The following CUX1 variants were observed in gnomAD, a reference collection of about 807,000 sequenced individuals.
CUX1 encodes protein CASP.
Under a neutral mutation model 158.8 loss-of-function variants are expected in CUX1, and 31 were observed. The observed-to-expected ratio is 0.20, with a 90% CI of 0.15 to 0.26. The LOEUF (loss-of-function observed/expected upper bound fraction) is 0.26. Ranked by LOEUF, CUX1 falls within the 10% of genes least tolerant of loss-of-function variation. The probability of loss-of-function intolerance (pLI) is 1.00; values close to 1 mark genes in which losing one functional copy is unlikely to be tolerated. For synonymous variants in CUX1, 879 were observed against 862.1 expected (o/e 1.02, Z -0.34); for missense variants, 1,589 against 2,014.6 (o/e 0.79, Z 4.04).
At chr7:102,051,573 T>C (rs975797492) in intron 3 of CUX1, among the ~76,000 whole-genome samples, 1 of 150,404 alleles carries the variant, frequency 6.6e-6, no homozygotes, top group African/African-American at 2.5e-5. Context: ...CAGAATCGTT[T>C]GAACCTGGGA....
chr7:101,923,674 C>T (rs965815518), intron 2 of CUX1, among the ~76,000 whole-genome samples: 14 of 152,326 alleles, frequency 9.2e-5, no homozygotes, highest in East Asian at 1.9e-4. Context: ...GCCTGGTCTG[C>T]GGTGCTCACA....
chr7:102,215,229 CTTTTTTTTTT>C (rs547506149), intron 20 of CUX1, among the ~76,000 whole-genome samples: 7 of 92,742 alleles, frequency 7.5e-5, no homozygotes, highest in Admixed American at 2.6e-4. Context: ...GTTACTCCAA[CTTTTTTTTTT>C]TTTTTTTTTT....
At chr7:102,139,221 G>A (rs1834194124) in intron 8 of CUX1, among the ~76,000 whole-genome samples, 1 of 146,806 alleles carries the variant, frequency 6.8e-6, no homozygotes, top group Non-Finnish European at 1.5e-5. Flanking sequence ...CTCCAGCCTG[G>A]GCAACAGAGA....
At chr7:101,913,430 G>A (rs962242856) in intron 1 of CUX1, 61 of 1,247,026 alleles carry the variant, frequency 4.9e-5, no homozygotes, top group Non-Finnish European at 5.7e-5. Flanking sequence ...CTGCAGCCCC[G>A]GGATCAAGGT....
At chr7:102,171,596 C>G (rs1344508685) in intron 10 of CUX1, among the ~76,000 whole-genome samples, 1 of 151,838 alleles carries the variant, frequency 6.6e-6, no homozygotes, top group African/African-American at 2.4e-5. Context: ...TGCAGGCGCA[C>G]ACCACCACAC....
rs147291507 is a variant in CUX1 at position 102,013,514 on chromosome 7, G to C, written c.142-14584G>C. Among the ~76,000 whole-genome samples, 388 of 152,290 alleles carry C rather than the reference G, an allele frequency of 2.5e-3. 2 individuals carry two copies. The highest frequency in any genetic ancestry group is 9.0e-3 in the African/African-American group (375 of 41,560). On this transcript the variant is annotated intron_variant, in intron 2 of 23. Coordinates refer to ENST00000292535, the MANE Select transcript of CUX1 (RefSeq NM_181552.4). ...ACTATTTGGGAACAGGCCTGAGAAA[G>C]CTTGCTTAGAGGAATTCCAAAAGTA... is the stretch of plus-strand genomic sequence containing the variant.
chr7:102,256,933 G>C lies in CUX1; in HGVS notation c.*7891G>C. ...TCTTTCAAAGCAACAGTGTTTTGTA[G>C]TACCAGGCTGTGGCTTGAGGGCTCA... On this transcript the variant is annotated 3_prime_UTR_variant, in exon 24 of 24. Coordinates refer to ENST00000292535, the MANE Select transcript of CUX1 (RefSeq NM_181552.4). 1 of 985,452 alleles carries C rather than the reference G, an allele frequency of 1.0e-6. No individual in the cohort carries two copies. Among genetic ancestry groups the C allele is most frequent in the Non-Finnish European group, 1.2e-6 (1 of 829,968 alleles). The allele number at this position is 985,452 out of a possible 1,614,324, so 61.0% of individuals were successfully genotyped here.
At chr7:102,136,973 G>A (rs1833974767) in intron 8 of CUX1, among the ~76,000 whole-genome samples, 1 of 152,124 alleles carries the variant, frequency 6.6e-6, no homozygotes, top group South Asian at 2.1e-4. Flanking sequence ...GGGCTTTGCT[G>A]AACGCTTGAT....
intron 3 of CUX1, among the ~76,000 whole-genome samples, chr7:102,039,147 C>T (rs568462363): frequency 2.0e-5 from 3 of 152,264 alleles, no homozygotes; most frequent in Admixed American, 1.3e-4. Flanking sequence ...TACCCAGGGC[C>T]TCTCCTTCAC....
intron 20 of CUX1, among the ~76,000 whole-genome samples, chr7:102,216,498 G>A (rs1057221666): frequency 1.6e-4 from 24 of 146,142 alleles, no homozygotes; most frequent in African/African-American, 5.4e-4. Flanking sequence ...GAAAAAGAGG[G>A]CGTGCGTGTG....
chr7:101,921,652 G>T (rs1371934586), intron 2 of CUX1, among the ~76,000 whole-genome samples: 1 of 151,976 alleles, frequency 6.6e-6, no homozygotes, highest in Non-Finnish European at 1.5e-5. Context: ...AGTAGAGACG[G>T]AGTTCCACCA....
intron 20 of CUX1, among the ~76,000 whole-genome samples, chr7:102,281,225 C>T (rs1792038819): frequency 6.6e-6 from 1 of 151,758 alleles, no homozygotes; most frequent in Admixed American, 6.6e-5. Context: ...ATAAAATTAG[C>T]CAGGCGCAGT....
chr7:102,061,343 T>A (rs1824851541), intron 3 of CUX1, among the ~76,000 whole-genome samples: 1 of 152,168 alleles, frequency 6.6e-6, no homozygotes, highest in African/African-American at 2.4e-5. Context: ...ATTGACCATG[T>A]GGCCCCCAGC....
At chr7:101,832,583 T>TG (rs1461437120) in intron 1 of CUX1, among the ~76,000 whole-genome samples, 1 of 152,208 alleles carries the variant, frequency 6.6e-6, no homozygotes, top group Non-Finnish European at 1.5e-5. Context: ...GGCTTGGAGT[T>TG]CCTTTATTCA....
At chr7:102,234,500 C>T (rs944125157) in intron 22 of CUX1, among the ~76,000 whole-genome samples, 3 of 152,282 alleles carry the variant, frequency 2.0e-5, no homozygotes, top group South Asian at 2.1e-4. Context: ...GAGAGCGAAA[C>T]AGCTCTGGGG....
chr7:101,902,567 A>G (rs1216215353), intron 1 of CUX1, among the ~76,000 whole-genome samples: 1 of 152,150 alleles, frequency 6.6e-6, no homozygotes, highest in Non-Finnish European at 1.5e-5. Context: ...CATCCCTCTC[A>G]TTTCATTAGT....
chr7:101,953,593 A>G (rs936406237), intron 2 of CUX1, among the ~76,000 whole-genome samples: 5 of 152,062 alleles, frequency 3.3e-5, no homozygotes, highest in Non-Finnish European at 7.4e-5. Context: ...AAATGAGTTC[A>G]CTCTGGTGGT....
chr7:101,917,053 T>A (rs1019044420), intron 2 of CUX1, among the ~76,000 whole-genome samples: 3 of 152,178 alleles, frequency 2.0e-5, no homozygotes, highest in Non-Finnish European at 4.4e-5. Flanking sequence ...TCCCCTTGTA[T>A]GGGAAGGGGT....
At chr7:102,148,567 AAAAC>A (rs1172220298) in intron 8 of CUX1, among the ~76,000 whole-genome samples, 2 of 150,442 alleles carry the variant, frequency 1.3e-5, no homozygotes, top group Admixed American at 7.2e-5. Context: ...AAAAAAACAA[AAAAC>A]AAAGAAATGC....
Sources: gnomAD v4.1 joint callset for allele counts (sites outside exome capture counted in the v4.1 genomes callset) on GRCh38, gnomAD v4.1.1 for gene constraint, MANE v1.5 for transcripts, NCBI Gene and HGNC (gene_info 2026-07-23, HGNC 2026-07-21) for gene names.